FBXO42: variants seen among roughly 807,000 people sequenced by gnomAD.
FBXO42 encodes F-box protein 42.
FBXO42 carries 12 observed loss-of-function variants against 71.7 expected under a neutral mutation model. The observed-to-expected ratio is 0.17, with a 90% CI of 0.11 to 0.27. FBXO42 has a LOEUF of 0.27. FBXO42 is among the 10% of genes least tolerant of loss of function. The pLI is 1.00. For missense variants in FBXO42, 707 were observed against 911.9 expected, an observed-to-expected ratio of 0.78 and a Z score of 2.89; for synonymous variants, 325 against 327.5, an observed-to-expected ratio of 0.99 and a Z score of 0.08.
intron 4 of FBXO42, among the ~76,000 whole-genome samples, chr1:16,282,453 T>C (rs977760994): frequency 1.3e-5 from 2 of 150,794 alleles, no homozygotes; most frequent in Non-Finnish European, 3.0e-5. Flanking sequence ...CTCGAACTCC[T>C]GATCTCAGGT....
chr1:16,274,149 A>G, intron 4 of FBXO42, among the ~76,000 whole-genome samples: 1 of 150,856 alleles, frequency 6.6e-6, no homozygotes, highest in Admixed American at 6.6e-5. Flanking sequence ...ATCTCTACAA[A>G]AACTAAATTA....
intron 1 of FBXO42, among the ~76,000 whole-genome samples, chr1:16,320,097 C>T (rs1455229641): frequency 1.3e-5 from 2 of 151,880 alleles, no homozygotes; most frequent in African/African-American, 4.8e-5. Flanking sequence ...TGGTGGCTCA[C>T]GCGTGTAATC....
chr1:16,347,630 G>A (rs1037184185), intron 1 of FBXO42, among the ~76,000 whole-genome samples: 1 of 151,606 alleles, frequency 6.6e-6, no homozygotes, highest in Non-Finnish European at 1.5e-5. Flanking sequence ...CAAGGCCAGC[G>A]GATCACCTGA....
At chr1:16,336,608 C>T (rs1314625474) in intron 1 of FBXO42, among the ~76,000 whole-genome samples, 1 of 151,508 alleles carries the variant, frequency 6.6e-6, no homozygotes, top group Admixed American at 6.6e-5. Flanking sequence ...CCACCTGCCT[C>T]GGCCTCCCAA....
At chr1:16,317,412 C>CAACAAACA (rs34170464) in intron 1 of FBXO42, among the ~76,000 whole-genome samples, 50,365 of 150,560 alleles carry the variant, frequency 0.33, 8,804 homozygotes, top group African/African-American at 0.37. Flanking sequence ...GAGATCGTCT[C>CAACAAACA]AACAAACAAA....
chr1:16,270,885 G>C (rs887538738), intron 4 of FBXO42, among the ~76,000 whole-genome samples: 5 of 151,296 alleles, frequency 3.3e-5, no homozygotes, highest in Non-Finnish European at 7.4e-5. Context: ...CCCAGGAAGC[G>C]TATAGCTTGC....
At chr1:16,340,866 A>G (rs1015793067) in intron 1 of FBXO42, among the ~76,000 whole-genome samples, 1 of 152,212 alleles carries the variant, frequency 6.6e-6, no homozygotes, top group African/African-American at 2.4e-5. Flanking sequence ...AGTGGCTTTA[A>G]GGTCATACAG....
At chr1:16,311,478 ATCT>A (rs542981366) in intron 2 of FBXO42, among the ~76,000 whole-genome samples, 58 of 101,976 alleles carry the variant, frequency 5.7e-4, no homozygotes, top group African/African-American at 2.3e-3. Flanking sequence ...ACAGAGCAAG[ATCT>A]TGTCTCAAAA....
In FBXO42 at chr1:16,288,452, A is replaced by AATAAT. The variant is rs1553151795; in HGVS notation, c.502+6330_502+6331insATTAT. ...TCAAAAAAAATAAAAATAAAAATAA[A>AATAAT]AATAATAATAATAATAATAAACAAA... On this transcript the variant is annotated intron_variant, in intron 4 of 9. Coordinates refer to ENST00000375592, the MANE Select transcript of FBXO42 (RefSeq NM_018994.3). Among the ~76,000 whole-genome samples the AATAAT allele has an allele frequency of 8.5e-3, 1,187 of 140,466 alleles. 8 individuals carry two copies. The highest frequency in any genetic ancestry group is 0.031 in the African/African-American group (1,124 of 36,030). The allele number at this position is 140,466 out of a possible 152,430, so 92.2% of individuals were successfully genotyped here.
chr1:16,258,647 G>C (rs564964459), intron 4 of FBXO42, among the ~76,000 whole-genome samples: 1 of 152,260 alleles, frequency 6.6e-6, no homozygotes, highest in South Asian at 2.1e-4. Context: ...GTAAGCCACT[G>C]TGCCTGTCCG....
chr1:16,343,170 A>C (rs1006769433), intron 1 of FBXO42, among the ~76,000 whole-genome samples: 1 of 152,172 alleles, frequency 6.6e-6, no homozygotes, highest in Non-Finnish European at 1.5e-5. Flanking sequence ...AATTCCCTAT[A>C]TTAAATTTCC....
At chr1:16,268,295 T>A (rs718178) in intron 4 of FBXO42, among the ~76,000 whole-genome samples, 1 of 152,096 alleles carries the variant, frequency 6.6e-6, no homozygotes, top group African/African-American at 2.4e-5. Context: ...CTGGGAGGAC[T>A]AAAAGTTACC....
chr1:16,291,765 G>T (rs1438272016), intron 4 of FBXO42, among the ~76,000 whole-genome samples: 1 of 152,008 alleles, frequency 6.6e-6, no homozygotes, highest in Admixed American at 6.6e-5. Flanking sequence ...TTGAACTCCT[G>T]GGCTCAAGCA....
chr1:16,292,149 G>A (rs1164872344), intron 4 of FBXO42, among the ~76,000 whole-genome samples: 1 of 152,172 alleles, frequency 6.6e-6, no homozygotes, highest in Non-Finnish European at 1.5e-5. Context: ...TTGTCAAAGG[G>A]AATATTCCAA....
chr1:16,262,104 A>G (rs1234337385), intron 4 of FBXO42, among the ~76,000 whole-genome samples: 1 of 152,296 alleles, frequency 6.6e-6, no homozygotes, highest in East Asian at 1.9e-4. Flanking sequence ...TGCTACTTTA[A>G]GAATTGATAT....
At position 16,348,361 on chromosome 1, in the gene FBXO42, A is replaced by G. The variant is rs1246682285; in HGVS notation, c.-18+3894T>C. ...TTGTACTGGGATACAGAAGTTCAAT[A>G]TCAAAGCTACTAGCAACACCAATCC... is the stretch of plus-strand genomic sequence containing the variant. On this transcript the variant is annotated intron_variant, in intron 1 of 9. Coordinates refer to ENST00000375592, the MANE Select transcript of FBXO42 (RefSeq NM_018994.3). Among the ~76,000 whole-genome samples the G allele has an allele frequency of 3.3e-5, 5 of 152,178 alleles. No homozygotes were observed. The East Asian group carries it at 9.6e-4, about 29-fold the overall frequency.
chr1:16,352,442 C>A lies in FBXO42; in HGVS notation c.-205G>T, dbSNP rs1295648190. The A allele has an allele frequency of 1.5e-5, 6 of 398,636 alleles. No homozygotes were observed. Among genetic ancestry groups the A allele is most frequent in the African/African-American group, 2.1e-5 (1 of 48,582 alleles). 24.7% of individuals were successfully genotyped at this position (398,636 alleles called of 1,614,324 possible). A position where few individuals can be genotyped will look rare whatever the true frequency, so the allele number is the denominator to read the frequency against. ...TCCTCCACTCAAACGCCGCCGCCGCCGCAGCTGCTGCTGCTCAGGCCGGGA... is the reference window on the plus strand; with the variant it reads ...TCCTCCACTCAAACGCCGCCGCCGCAGCAGCTGCTGCTGCTCAGGCCGGGA... On this transcript the variant is annotated 5_prime_UTR_variant, in exon 1 of 10. Transcript: ENST00000375592.
At chr1:16,301,522 G>A (rs1377544626) in intron 3 of FBXO42, among the ~76,000 whole-genome samples, 1 of 151,744 alleles carries the variant, frequency 6.6e-6, no homozygotes, top group African/African-American at 2.4e-5. Context: ...AATTAGCTGC[G>A]CGTGGTGGCA....
In FBXO42 at chr1:16,346,047, C is replaced by T. The variant is rs542769809; in HGVS notation, c.-18+6208G>A. Among the ~76,000 whole-genome samples the T allele has an allele frequency of 4.1e-4, 63 of 152,100 alleles. 2 individuals are homozygous for T. The South Asian group carries it at 9.8e-3, about 24-fold the overall frequency. On this transcript the variant is annotated intron_variant, in intron 1 of 9. Coordinates refer to ENST00000375592, the MANE Select transcript of FBXO42 (RefSeq NM_018994.3). The stretch of plus-strand genomic sequence containing the variant: ...TGCTGGCCAAATTTCAGGGTCAGAA[C>T]GACTAATGGTGAGAACGAAGTGTAA...
Sources: gnomAD v4.1 joint callset for allele counts (sites outside exome capture counted in the v4.1 genomes callset) on GRCh38, gnomAD v4.1.1 for gene constraint, MANE v1.5 for transcripts, NCBI Gene and HGNC (gene_info 2026-07-23, HGNC 2026-07-21) for gene names.